FBXO40: variants seen among roughly 807,000 people sequenced by gnomAD.
The protein encoded by FBXO40 is F-box protein 40.
FBXO40 carries 50 observed loss-of-function variants against 49.9 expected under a neutral mutation model. That is an observed-to-expected ratio of 1.00 (90% CI 0.80 to 1.27). The LOEUF is 1.27. Ranked by LOEUF, FBXO40 falls within the 50% of genes most tolerant of loss-of-function variation. The probability of loss-of-function intolerance (pLI) is 0.00; values close to 1 mark genes in which losing one functional copy is unlikely to be tolerated. For synonymous variants in FBXO40, 340 were observed against 320.2 expected (o/e 1.06, Z -0.66); for missense variants, 895 against 870.1 (o/e 1.03, Z -0.36).
intron 3 of FBXO40, 30 bp downstream of exon 3, chr3:121,623,373 C>T: frequency 6.4e-7 from 1 of 1,563,500 alleles, no homozygotes; most frequent in Non-Finnish European, 8.7e-7. Context: ...TTGATTGACT[C>T]ATTCAGCAAT....
rs755676833 is a variant in FBXO40, at chr3:121,622,375, C to A, written c.946C>A (p.Arg316=). 1 of 1,614,178 alleles carries A rather than the reference C, an allele frequency of 6.2e-7. No individual in the cohort carries two copies. The highest frequency in any genetic ancestry group is 8.5e-7 in the Non-Finnish European group (1 of 1,180,028). The change falls in exon 3 of 4, where the codon CGG becomes AGG. Residue 316 remains arginine (R), a synonymous_variant. Coordinates refer to ENST00000338040, the MANE Select transcript of FBXO40 (RefSeq NM_016298.4). ...TAACATGTATCTAGTGCACAATGGG[C>A]GGATGCTGATACACTTTGGTCAGAT... ...DYNMYLVHNG[R]MLIHFGQMPA...
rs2049075717 is a variant in FBXO40, at chr3:121,628,450, C to G, written c.*1540C>G. The G allele has an allele frequency of 6.6e-6, 1 of 152,274 alleles. No individual in the cohort carries two copies. Among genetic ancestry groups the G allele is most frequent in the African/African-American group, 2.4e-5 (1 of 41,458 alleles). The allele number at this position is 152,274 out of a possible 1,614,324, so 9.4% of individuals were successfully genotyped here. A position where few individuals can be genotyped will look rare whatever the true frequency, so the allele number is the denominator to read the frequency against. ...GTGCTGGGTTTACAGGTGTGAGCCA[C>G]TGCGCCCTGCCTGAACTGGATAATT... On this transcript the variant is annotated 3_prime_UTR_variant, in exon 4 of 4. Transcript: ENST00000338040.
chr3:121,596,160 C>T (rs1461313477), intron 1 of FBXO40, among the ~76,000 whole-genome samples: 1 of 152,228 alleles, frequency 6.6e-6, no homozygotes, highest in Non-Finnish European at 1.5e-5. Context: ...AACACTTGGT[C>T]ACCACCTCCT....
chr3:121,600,674 A>G (rs2048897382), intron 1 of FBXO40, among the ~76,000 whole-genome samples: 1 of 152,222 alleles, frequency 6.6e-6, no homozygotes, highest in East Asian at 1.9e-4. Flanking sequence ...GTGATGTAGC[A>G]AAGAGTATAG....
intron 1 of FBXO40, among the ~76,000 whole-genome samples, chr3:121,619,319 C>T (rs2049016862): frequency 6.6e-6 from 1 of 151,976 alleles, no homozygotes; most frequent in Admixed American, 6.6e-5. Flanking sequence ...AAATTTTAAA[C>T]TTATGGATCT....
chr3:121,594,375 ATTT>A (rs1366630591), intron 1 of FBXO40, among the ~76,000 whole-genome samples: 1 of 141,906 alleles, frequency 7.0e-6, no homozygotes, highest in South Asian at 2.2e-4. Context: ...TAATTTTTGT[ATTT>A]TTAGTAGAGA....
At position 121,614,397 on chromosome 3, in the gene FBXO40, G is replaced by A. The variant is rs186705383; in HGVS notation, c.-30-6149G>A. On this transcript the variant is annotated intron_variant, in intron 1 of 3. Transcript: ENST00000338040. ...GCAGAGGTTGCAGTGAGCCGAAATC[G>A]CACCACTGCACCCCAGCCTGGGCAA... Among the ~76,000 whole-genome samples the A allele has an allele frequency of 2.4e-3, 370 of 151,268 alleles. 3 individuals are homozygous for A. Among genetic ancestry groups the A allele is most frequent in the African/African-American group, 8.5e-3 (350 of 41,180 alleles).
At chr3:121,613,141 G>A (rs1265287295) in intron 1 of FBXO40, among the ~76,000 whole-genome samples, 2 of 151,600 alleles carry the variant, frequency 1.3e-5, no homozygotes, top group Non-Finnish European at 2.9e-5. Context: ...AGGTTAAAAT[G>A]CACCCTAACA....
rs1317611412 is a variant in FBXO40 at position 121,629,242 on chromosome 3, C to T, written c.*2332C>T. 1 of 152,118 alleles carries T rather than the reference C, an allele frequency of 6.6e-6. No homozygotes were observed. The highest frequency in any genetic ancestry group is 6.6e-5 in the Admixed American group (1 of 15,266). The allele number at this position is 152,118 out of a possible 1,614,324, so 9.4% of individuals were successfully genotyped here. On this transcript the variant is annotated 3_prime_UTR_variant, in exon 4 of 4. Transcript: ENST00000338040. ...GTAATGTCACTCTATTTTTCCTAAT[C>T]CCATCCTTTGGTTTGTATTTCATAT...
chr3:121,619,197 C>G (rs1560131592), intron 1 of FBXO40, among the ~76,000 whole-genome samples: 1 of 151,284 alleles, frequency 6.6e-6, no homozygotes, highest in Non-Finnish European at 1.5e-5. Context: ...TTAGTAGATA[C>G]AGGGTATCGC....
chr3:121,604,280 A>G (rs2048919375), intron 1 of FBXO40, among the ~76,000 whole-genome samples: 1 of 152,222 alleles, frequency 6.6e-6, no homozygotes, highest in South Asian at 2.1e-4. Context: ...GTAGGTTTGT[A>G]GGTCACTCAT....
intron 1 of FBXO40, among the ~76,000 whole-genome samples, chr3:121,602,140 T>G (rs1441955175): frequency 6.6e-6 from 1 of 152,338 alleles, no homozygotes; most frequent in Admixed American, 6.5e-5. Context: ...TAGTCCTGAC[T>G]CTTTTAGCTC....
intron 1 of FBXO40, among the ~76,000 whole-genome samples, chr3:121,615,200 C>CAAAA (rs11448457): frequency 2.2e-4 from 15 of 69,266 alleles, no homozygotes; most frequent in South Asian, 1.8e-3. Context: ...GAGAGCATCT[C>CAAAA]AAAAAAAAAA....
chr3:121,603,173 A>C (rs2108845109), intron 1 of FBXO40, among the ~76,000 whole-genome samples: 1 of 152,294 alleles, frequency 6.6e-6, no homozygotes, highest in East Asian at 1.9e-4. Context: ...TGATGTCTTA[A>C]TTGTTGCCAG....
chr3:121,625,116 C>A (rs551187052), intron 3 of FBXO40, among the ~76,000 whole-genome samples: 4 of 152,168 alleles, frequency 2.6e-5, no homozygotes, highest in African/African-American at 4.8e-5. Flanking sequence ...ATCAAAGAAC[C>A]TTTCCCTTCA....
intron 1 of FBXO40, among the ~76,000 whole-genome samples, chr3:121,617,921 A>C (rs552782245): frequency 4.6e-5 from 7 of 152,050 alleles, no homozygotes; most frequent in Non-Finnish European, 8.8e-5. Flanking sequence ...AATCGCTTGA[A>C]CCCAGGAGGT....
At chr3:121,594,359 C>T (rs751525946) in intron 1 of FBXO40, among the ~76,000 whole-genome samples, 9 of 151,576 alleles carry the variant, frequency 5.9e-5, no homozygotes, top group Non-Finnish European at 1.0e-4. Flanking sequence ...TGCCACCACG[C>T]CTGGCTAATT....
In FBXO40 at chr3:121,619,254, C is replaced by A. The variant is rs11709933; in HGVS notation, c.-30-1292C>A. On this transcript the variant is annotated intron_variant, in intron 1 of 3. Coordinates refer to ENST00000338040, the MANE Select transcript of FBXO40 (RefSeq NM_016298.4). ...GAACTCCTGGGCTCAAGCAATCAAC[C>A]TACCTCAGCCTCACAAAGTGCTGAG... Among the ~76,000 whole-genome samples, 612 of 152,150 alleles carry A rather than the reference C, an allele frequency of 4.0e-3. 3 individuals carry two copies. The highest frequency in any genetic ancestry group is 0.032 in the East Asian group (168 of 5,184).
chr3:121,604,257 G>T (rs1188742168), intron 1 of FBXO40, among the ~76,000 whole-genome samples: 4 of 152,218 alleles, frequency 2.6e-5, no homozygotes, highest in Admixed American at 2.6e-4. Flanking sequence ...TTAACTGGAG[G>T]AGCAATAGGT....
Sources: gnomAD v4.1 joint callset for allele counts (sites outside exome capture counted in the v4.1 genomes callset) on GRCh38, gnomAD v4.1.1 for gene constraint, MANE v1.5 for transcripts, NCBI Gene and HGNC (gene_info 2026-07-23, HGNC 2026-07-21) for gene names.